Variants in ATP6V0A2 observed in about 807,000 individuals in gnomAD.
The protein encoded by ATP6V0A2 is ATPase H+ transporting V0 subunit a2, also known as V-type proton ATPase 116 kDa subunit a 2.
In ATP6V0A2, 58 loss-of-function variants were observed where a neutral mutation model predicts 104.4. The observed-to-expected ratio is 0.56, with a 90% CI of 0.45 to 0.69. The LOEUF is 0.69. Among genes scored for constraint, ATP6V0A2 ranks in the 30% least tolerant of loss-of-function variants. The pLI, the probability that ATP6V0A2 is intolerant of heterozygous loss-of-function variation, is 0.00. For missense variants in ATP6V0A2, 938 were observed against 1,062.9 expected (o/e 0.88, Z 1.63); for synonymous variants, 376 against 397.9 (o/e 0.95, Z 0.65).
At chr12:123,717,928 A>AT (rs1014696125) in intron 1 of ATP6V0A2, among the ~76,000 whole-genome samples, 1 of 150,670 alleles carries the variant, frequency 6.6e-6, no homozygotes, top group African/African-American at 2.4e-5. Context: ...CATTTTCAGG[A>AT]TTTTTTCTTT....
chr12:123,727,787 G>C lies in ATP6V0A2; in HGVS notation c.526G>C (p.Val176Leu). Residue 176 changes from valine (V) to leucine (L), a missense_variant, in exon 6 of 20, where the codon GTG becomes CTG. Val to Leu is a conservative substitution (Grantham distance 32, BLOSUM62 1). Transcript: ENST00000330342. ...MQRLGAKLGF[V>L]SGLINQGKVE... The stretch of plus-strand genomic sequence containing the variant: ...GTTGACTTTACTGTCTCACAGATTT[G>C]TGTCTGGCCTAATTAACCAAGGAAA... 6.2e-7 allele frequency: 1 copy of C among 1,614,086 alleles called. No individual in the cohort carries two copies. The highest frequency in any genetic ancestry group is 2.2e-5 in the East Asian group (1 of 44,882).
At chr12:123,716,885 A>G (rs993111523) in intron 1 of ATP6V0A2, among the ~76,000 whole-genome samples, 3 of 151,718 alleles carry the variant, frequency 2.0e-5, no homozygotes, top group Non-Finnish European at 4.4e-5. Flanking sequence ...GCTCATTTAC[A>G]GTTAATCCTT....
At chr12:123,745,120 A>C in intron 13 of ATP6V0A2, 148 bp downstream of exon 13, 2 of 861,734 alleles carry the variant, frequency 2.3e-6, no homozygotes, top group Non-Finnish European at 3.8e-6. Flanking sequence ...CCAGTCCCGG[A>C]CACTGGGAGG....
rs1228537473 is a variant in ATP6V0A2 at position 123,724,726 on chromosome 12, C to T, written c.367C>T (p.Leu123=). Residue 123 remains leucine, a synonymous_variant, in exon 4 of 20, where the codon CTG becomes TTG. Coordinates refer to ENST00000330342, the MANE Select transcript of ATP6V0A2 (RefSeq NM_012463.4). ...CAAGGAGAAACTGAGGAAAAACTTG[C>T]TGGAACTGATAGAGTACACTCACAT... The part of the protein sequence containing the change: ...KNKEKLRKNL[L]ELIEYTHMLR... 15 of 1,613,656 alleles carry T rather than the reference C, an allele frequency of 9.3e-6. No homozygotes were observed. The highest frequency in any genetic ancestry group is 1.3e-5 in the Non-Finnish European group (15 of 1,179,800).
chr12:123,712,746 G>C lies in ATP6V0A2; in HGVS notation c.117+64G>C, dbSNP rs1038264462. ...CCTGGCGCCCCCAATCCCGCGCATC[G>C]CTGGGGCCCTCCCGCGGGGAGCACC... On this transcript the variant is annotated intron_variant, in intron 1 of 19. Coordinates refer to ENST00000330342, the MANE Select transcript of ATP6V0A2 (RefSeq NM_012463.4). The C allele has an allele frequency of 2.0e-5, 27 of 1,380,458 alleles. 2 individuals carry two copies. The Admixed American group carries it at 4.9e-4, about 25-fold the overall frequency. 85.5% of individuals were successfully genotyped at this position (1,380,458 alleles called of 1,614,324 possible).
intron 13 of ATP6V0A2, 45 bp downstream of exon 13, chr12:123,745,017 G>A (rs1347260463): frequency 1.3e-6 from 2 of 1,578,466 alleles, no homozygotes; most frequent in Non-Finnish European, 1.7e-6. Context: ...GCTCTGTGGT[G>A]CCACCTAGCT....
At chr12:123,746,990 A>G (rs983952661) in intron 13 of ATP6V0A2, among the ~76,000 whole-genome samples, 22 of 152,086 alleles carry the variant, frequency 1.4e-4, no homozygotes, top group African/African-American at 5.3e-4. Context: ...CCTGAAGGGC[A>G]GGCTGTAGGA....
chr12:123,736,350 C>T (rs570505562), intron 8 of ATP6V0A2, among the ~76,000 whole-genome samples: 1 of 152,124 alleles, frequency 6.6e-6, no homozygotes, highest in East Asian at 1.9e-4. Flanking sequence ...CGCCACCACA[C>T]CCTGCTAATT....
At chr12:123,739,066 T>C (rs915756233) in intron 9 of ATP6V0A2, 6 of 152,312 alleles carry the variant, frequency 3.9e-5, no homozygotes, top group African/African-American at 1.4e-4. Flanking sequence ...GTGGTGTGTG[T>C]GCTGCTTTGT....
intron 14 of ATP6V0A2, among the ~76,000 whole-genome samples, 184 bp downstream of exon 14, chr12:123,747,909 T>A (rs1034663934): frequency 1.3e-5 from 2 of 152,182 alleles, no homozygotes; most frequent in African/African-American, 4.8e-5. Flanking sequence ...CAAATATGTA[T>A]TTATCGAGCG....
intron 1 of ATP6V0A2, among the ~76,000 whole-genome samples, chr12:123,716,019 A>G (rs1956335443): frequency 6.6e-6 from 1 of 152,100 alleles, no homozygotes. Flanking sequence ...AGCAAATCCA[A>G]GATATATAAT....
At chr12:123,747,847 A>C (rs896802934) in intron 14 of ATP6V0A2, 122 bp downstream of exon 14, 13 of 685,570 alleles carry the variant, frequency 1.9e-5, no homozygotes, top group Non-Finnish European at 3.1e-5. Flanking sequence ...TTGTATTTAC[A>C]TGATTCTGTT....
chr12:123,714,815 T>C (rs1440295757), intron 1 of ATP6V0A2, among the ~76,000 whole-genome samples: 1 of 152,082 alleles, frequency 6.6e-6, no homozygotes, highest in Non-Finnish European at 1.5e-5. Flanking sequence ...GGCACGGTGG[T>C]TCACGTCTGT....
chr12:123,753,783 C>A (rs562831596), intron 17 of ATP6V0A2, among the ~76,000 whole-genome samples: 1 of 152,290 alleles, frequency 6.6e-6, no homozygotes, highest in South Asian at 2.1e-4. Flanking sequence ...TTTATTTTGG[C>A]CATTTAGTGA....
At position 123,746,848 on chromosome 12, in the gene ATP6V0A2, G is replaced by A. The variant is rs370390327; in HGVS notation, c.1606-759G>A. On this transcript the variant is annotated intron_variant, in intron 13 of 19. Transcript: ENST00000330342. ...CTCAGGAGGCTGAGGCAGGAGAATC[G>A]CTTGAACCCAGGAGGTGGAGGTTGC... Among the ~76,000 whole-genome samples, 18 of 151,758 alleles carry A rather than the reference G, an allele frequency of 1.2e-4. No individual in the cohort carries two copies. In the East Asian group the frequency reaches 3.1e-3, roughly 26 times the overall value.
At chr12:123,729,961 C>T (rs1266675666) in intron 6 of ATP6V0A2, among the ~76,000 whole-genome samples, 2 of 148,600 alleles carry the variant, frequency 1.3e-5, no homozygotes, top group Admixed American at 6.7e-5. Flanking sequence ...ACTATATAGG[C>T]GTGGACCACC....
In ATP6V0A2 at chr12:123,756,808, T is replaced by G. The variant is rs1476728749; in HGVS notation, c.2294-7T>G. 15 of 1,613,668 alleles carry G rather than the reference T, an allele frequency of 9.3e-6. No homozygotes were observed. The highest frequency in any genetic ancestry group is 1.1e-5 in the Non-Finnish European group (13 of 1,180,024). The stretch of plus-strand genomic sequence containing the variant: ...GCATGACCTGTGCAGGCTGCACTCC[T>G]TTGCAGAGTTGTCTGATGTCCTGTG... On this transcript the variant is annotated splice_polypyrimidine_tract_variant and splice_region_variant and intron_variant, in intron 18 of 19. Coordinates refer to ENST00000330342, the MANE Select transcript of ATP6V0A2 (RefSeq NM_012463.4).
At chr12:123,743,512 G>C (rs910221390) in intron 9 of ATP6V0A2, among the ~76,000 whole-genome samples, 1 of 152,096 alleles carries the variant, frequency 6.6e-6, no homozygotes, top group African/African-American at 2.4e-5. Flanking sequence ...AATTAGACGG[G>C]CATGGTTGCA....
chr12:123,744,753 C>T lies in ATP6V0A2; in HGVS notation c.1483C>T (p.Pro495Ser), dbSNP rs1258348496. 4 of 1,614,186 alleles carry T rather than the reference C, an allele frequency of 2.5e-6. No homozygotes were observed. The highest frequency in any genetic ancestry group is 2.7e-5 in the African/African-American group (2 of 75,058). Residue 495 changes from proline (P) to serine (S), a missense_variant, in exon 12 of 20, where the codon CCC (proline) becomes TCC (serine). Transcript: ENST00000330342. The surrounding 1 kb of genome is among the most constrained non-coding windows in gnomAD (Gnocchi z 5.4). ...GGCCATGTACAGCTCCAGCCACCCA[C>T]CCGCAGAGCATAAGAAGATGGTGCT... is the stretch of plus-strand genomic sequence containing the variant. ...VSAMYSSSHP[P>S]AEHKKMVLWN... is the part of the protein sequence containing the mutation.
Sources: allele counts gnomAD v4.1 joint callset (sites outside exome capture counted in the v4.1 genomes callset), GRCh38; gene constraint gnomAD v4.1.1; non-coding constraint Gnocchi (gnomAD v3.1); transcripts MANE v1.5; gene names NCBI Gene and HGNC (gene_info 2026-07-23, HGNC 2026-07-21).